Variants in LRRTM4 observed in about 807,000 individuals in gnomAD.
LRRTM4 encodes leucine rich repeat transmembrane neuronal 4, also known as leucine-rich repeat transmembrane neuronal protein 4.
Under a neutral mutation model 47.6 loss-of-function variants are expected in LRRTM4, and 25 were observed. The ratio of observed to expected loss-of-function variants is 0.53; its 90% CI spans 0.38 to 0.73. The LOEUF (loss-of-function observed/expected upper bound fraction) is 0.73. LRRTM4 is among the 30% of genes least tolerant of loss of function. The pLI is 0.00. For missense variants in LRRTM4, 638 were observed against 713.4 expected (o/e 0.89, Z 1.20); for synonymous variants, 311 against 269.5 (o/e 1.15, Z -1.51).
chr2:77,003,543 C>A (rs940649444), intron 3 of LRRTM4, among the ~76,000 whole-genome samples: 1 of 152,074 alleles, frequency 6.6e-6, no homozygotes, highest in Non-Finnish European at 1.5e-5. Flanking sequence ...CTTTGCCTGC[C>A]GCCATGTAAG....
chr2:77,185,277 C>T (rs967022661), intron 3 of LRRTM4, among the ~76,000 whole-genome samples: 1 of 152,246 alleles, frequency 6.6e-6, no homozygotes, highest in South Asian at 2.1e-4. Flanking sequence ...AGAAAATCTA[C>T]AATTGTCCAG....
chr2:77,038,267 A>C (rs542458132), intron 3 of LRRTM4, among the ~76,000 whole-genome samples: 1 of 151,740 alleles, frequency 6.6e-6, no homozygotes, highest in East Asian at 1.9e-4. Flanking sequence ...TGCATTAAAA[A>C]TTCAGCATTT....
At chr2:76,858,944 C>G (rs969419819) in intron 3 of LRRTM4, among the ~76,000 whole-genome samples, 3 of 152,158 alleles carry the variant, frequency 2.0e-5, no homozygotes, top group Non-Finnish European at 4.4e-5. Context: ...ATCCAGGTGT[C>G]TGGATGGGCA....
intron 3 of LRRTM4, among the ~76,000 whole-genome samples, chr2:77,029,601 G>A (rs1443678130): frequency 1.3e-5 from 2 of 152,112 alleles, no homozygotes; most frequent in African/African-American, 4.8e-5. Context: ...ACAATACTTG[G>A]TTGACACTCA....
At chr2:77,115,773 G>T (rs1174703433) in intron 3 of LRRTM4, among the ~76,000 whole-genome samples, 1 of 152,034 alleles carries the variant, frequency 6.6e-6, no homozygotes, top group South Asian at 2.1e-4. Flanking sequence ...TCAAATTTTT[G>T]ATATCTATAG....
intron 3 of LRRTM4, among the ~76,000 whole-genome samples, chr2:76,930,616 T>C (rs187495737): frequency 1.1e-4 from 17 of 152,222 alleles, no homozygotes; most frequent in Admixed American, 8.5e-4. Context: ...TTACAGCATG[T>C]TGTGTGACAT....
chr2:77,145,254 GTA>G (rs34296253), intron 3 of LRRTM4, among the ~76,000 whole-genome samples: 4 of 149,556 alleles, frequency 2.7e-5, no homozygotes, highest in African/African-American at 7.4e-5. Flanking sequence ...ATCTATATGT[GTA>G]TATATATATA....
intron 3 of LRRTM4, among the ~76,000 whole-genome samples, chr2:76,923,344 G>A (rs1674491895): frequency 6.6e-6 from 1 of 151,904 alleles, no homozygotes; most frequent in Non-Finnish European, 1.5e-5. Context: ...TAGAAAGTTT[G>A]TGAGCTGGTT....
intron 3 of LRRTM4, among the ~76,000 whole-genome samples, chr2:77,284,964 A>G (rs1676609469): frequency 6.6e-6 from 1 of 152,094 alleles, no homozygotes; most frequent in African/African-American, 2.4e-5. Flanking sequence ...GTGAGAGGTG[A>G]ACCTTAAGTA....
At chr2:77,039,463 T>C (rs910761025) in intron 3 of LRRTM4, among the ~76,000 whole-genome samples, 1 of 151,162 alleles carries the variant, frequency 6.6e-6, no homozygotes, top group African/African-American at 2.4e-5. Context: ...CTCTTACTAA[T>C]CTGTCATCAT....
At chr2:77,017,793 G>C (rs1331071096) in intron 3 of LRRTM4, among the ~76,000 whole-genome samples, 3 of 118,056 alleles carry the variant, frequency 2.5e-5, no homozygotes, top group Non-Finnish European at 4.5e-5. Flanking sequence ...AACTTTATTT[G>C]ATTAATTTAG....
chr2:76,877,922 A>G (rs1672823185), intron 3 of LRRTM4, among the ~76,000 whole-genome samples: 1 of 151,464 alleles, frequency 6.6e-6, no homozygotes, highest in East Asian at 1.9e-4. Context: ...GAAGGAAAAA[A>G]GGTCACAGAT....
At chr2:77,170,234 T>G (rs1673008848) in intron 3 of LRRTM4, among the ~76,000 whole-genome samples, 1 of 152,094 alleles carries the variant, frequency 6.6e-6, no homozygotes, top group Admixed American at 6.6e-5. Flanking sequence ...AAGAGTAGAT[T>G]AAAGAGATGT....
At chr2:76,825,727 G>A (rs1573173652) in intron 3 of LRRTM4, among the ~76,000 whole-genome samples, 1 of 151,524 alleles carries the variant, frequency 6.6e-6, no homozygotes, top group Admixed American at 6.6e-5. Flanking sequence ...TCATGAGACC[G>A]AATGAGGTCA....
At chr2:77,048,092 A>G (rs1030434053) in intron 3 of LRRTM4, among the ~76,000 whole-genome samples, 2 of 152,002 alleles carry the variant, frequency 1.3e-5, no homozygotes, top group Non-Finnish European at 2.9e-5. Flanking sequence ...TTATTTTGCT[A>G]TGTCATGAAA....
intron 3 of LRRTM4, among the ~76,000 whole-genome samples, chr2:77,465,256 C>T (rs1176934532): frequency 6.6e-6 from 1 of 152,082 alleles, no homozygotes; most frequent in Non-Finnish European, 1.5e-5. Context: ...TCAGCAAATA[C>T]TTATAAATGA....
chr2:76,751,982 C>CTT (rs1216672622), intron 3 of LRRTM4, among the ~76,000 whole-genome samples: 2 of 152,140 alleles, frequency 1.3e-5, no homozygotes, highest in African/African-American at 4.8e-5. Flanking sequence ...TTATTCTACA[C>CTT]TTTAACTTAA....
chr2:77,196,654 T>G (rs1367754593), intron 3 of LRRTM4, among the ~76,000 whole-genome samples: 1 of 152,096 alleles, frequency 6.6e-6, no homozygotes, highest in Admixed American at 6.6e-5. Context: ...GGCAGGAGAA[T>G]CCTTTAAATC....
chr2:77,270,426 A>C (rs954155028), intron 3 of LRRTM4, among the ~76,000 whole-genome samples: 5 of 152,136 alleles, frequency 3.3e-5, no homozygotes, highest in African/African-American at 7.2e-5. Context: ...GTTCTCCTCC[A>C]AATGCTCTTT....
Sources: allele counts gnomAD v4.1 joint callset (sites outside exome capture counted in the v4.1 genomes callset), GRCh38; gene constraint gnomAD v4.1.1; transcripts MANE v1.5; gene names NCBI Gene and HGNC (gene_info 2026-07-23, HGNC 2026-07-21).